The following KCTD1 variants were observed in gnomAD, a reference collection of about 807,000 sequenced individuals.
KCTD1 encodes the protein potassium channel tetramerization domain containing 1.
KCTD1 carries 24 observed loss-of-function variants against 66.0 expected under a neutral mutation model. That is an observed-to-expected ratio of 0.36 (90% CI 0.26 to 0.51). The LOEUF is 0.51. KCTD1 is among the 20% of genes least tolerant of loss of function. The probability of loss-of-function intolerance (pLI) is 0.95; values close to 1 mark genes in which losing one functional copy is unlikely to be tolerated. For synonymous variants in KCTD1, 511 were observed against 517.2 expected (o/e 0.99, Z 0.16); for missense variants, 943 against 1,205.2 (o/e 0.78, Z 3.22).
chr18:26,553,823 A>G (rs893745798), intron 1 of KCTD1, among the ~76,000 whole-genome samples: 1 of 60,148 alleles, frequency 1.7e-5, no homozygotes, highest in Non-Finnish European at 4.1e-5. Flanking sequence ...AAGGCCAGAG[A>G]GGGTAAAAAA....
intron 3 of KCTD1, among the ~76,000 whole-genome samples, chr18:26,465,218 G>A (rs1467495608): frequency 1.3e-5 from 2 of 152,078 alleles, no homozygotes; most frequent in Non-Finnish European, 2.9e-5. Flanking sequence ...AGAGTAGCTG[G>A]GACTACAGGT....
chr18:26,515,684 A>G (rs2052334619), intron 1 of KCTD1, among the ~76,000 whole-genome samples: 1 of 151,672 alleles, frequency 6.6e-6, no homozygotes, highest in Non-Finnish European at 1.5e-5. Flanking sequence ...TAATTTTTGT[A>G]TTTTTAGTAG....
chr18:26,532,402 T>C (rs1984493257), intron 1 of KCTD1, among the ~76,000 whole-genome samples: 1 of 151,352 alleles, frequency 6.6e-6, no homozygotes, highest in African/African-American at 2.4e-5. Flanking sequence ...TAGCTGGGAG[T>C]ACAGACATGC....
At chr18:26,492,494 G>A (rs989337308) in intron 2 of KCTD1, among the ~76,000 whole-genome samples, 2 of 152,066 alleles carry the variant, frequency 1.3e-5, no homozygotes, top group Non-Finnish European at 2.9e-5. Flanking sequence ...TTAACCGAAT[G>A]TGGTGGTGTG....
chr18:26,566,282 T>C (rs1354560033), intron 1 of KCTD1: 1 of 152,268 alleles, frequency 6.6e-6, no homozygotes, highest in East Asian at 1.9e-4. Context: ...ATCCTAGCAC[T>C]GTATCTGTGA....
At chr18:26,575,014 G>T (rs2144905861) in intron 1 of KCTD1, among the ~76,000 whole-genome samples, 1 of 152,244 alleles carries the variant, frequency 6.6e-6, no homozygotes, top group Admixed American at 6.5e-5. Context: ...ATTATCCTGA[G>T]CAATTTTCTC....
intron 1 of KCTD1, among the ~76,000 whole-genome samples, chr18:26,514,591 G>A: frequency 6.6e-6 from 1 of 150,812 alleles, no homozygotes; most frequent in East Asian, 1.9e-4. Context: ...GAGAGATGTT[G>A]GAAGGAAGTA....
At position 26,623,002 on chromosome 18, in the gene KCTD1, A is replaced by G. The variant is rs373884760; in HGVS notation, c.-16+6145T>C. Among the ~76,000 whole-genome samples, 45 of 152,336 alleles carry G rather than the reference A, an allele frequency of 3.0e-4. No individual in the cohort carries two copies. In the East Asian group the frequency reaches 4.8e-3, roughly 16 times the overall value. On this transcript the variant is annotated intron_variant, in intron 1 of 4. Transcript: ENST00000317932. The stretch of plus-strand genomic sequence containing the variant: ...ATTCATCATCTATATGCAATCAGCC[A>G]TCAAATCTGGTTAATATGTGTTGAA...
At chr18:26,475,223 C>G (rs535765001) in intron 3 of KCTD1, among the ~76,000 whole-genome samples, 1 of 152,108 alleles carries the variant, frequency 6.6e-6, no homozygotes, top group African/African-American at 2.4e-5. Flanking sequence ...ACCAGAAATA[C>G]TTTTTTTTAG....
intron 1 of KCTD1, among the ~76,000 whole-genome samples, chr18:26,623,350 TC>T (rs373144874): frequency 1.7e-3 from 258 of 152,264 alleles, no homozygotes; most frequent in African/African-American, 6.0e-3. Context: ...TTTGACTGTG[TC>T]CCCACCCAAA....
At position 26,538,243 on chromosome 18, in the gene KCTD1, G is replaced by A. The variant is rs372049226; in HGVS notation, c.1809+8485C>T. Among the ~76,000 whole-genome samples the A allele has an allele frequency of 1.1e-3, 165 of 151,538 alleles. 3 individuals carry two copies. Among genetic ancestry groups the A allele is most frequent in the African/African-American group, 3.6e-3 (148 of 41,302 alleles). On this transcript the variant is annotated intron_variant, in intron 1 of 4. Coordinates refer to ENST00000580059, the MANE Select transcript of KCTD1 (RefSeq NM_001142730.3). ...GCCTGGGAAACAAGAGCAAAACTCC[G>A]TCTTAAAAAAAAAAGAAAAGAAAAT...
chr18:26,557,526 A>G (rs992698051), intron 1 of KCTD1, among the ~76,000 whole-genome samples: 9 of 152,240 alleles, frequency 5.9e-5, no homozygotes, highest in Non-Finnish European at 1.2e-4. Flanking sequence ...GAACTTGCTT[A>G]AAATATGCAT....
intron 1 of KCTD1, among the ~76,000 whole-genome samples, chr18:26,620,378 A>AC (rs1568011901): frequency 2.1e-5 from 3 of 141,188 alleles, no homozygotes; most frequent in South Asian, 4.6e-4. Flanking sequence ...AAAAAAAAAA[A>AC]AAAAAAACTA....
intron 1 of KCTD1, among the ~76,000 whole-genome samples, chr18:26,615,320 G>C (rs1987226273): frequency 6.6e-6 from 1 of 152,160 alleles, no homozygotes; most frequent in East Asian, 1.9e-4. Flanking sequence ...CATTTATGGA[G>C]CAAGGGTGGG....
intron 1 of KCTD1, among the ~76,000 whole-genome samples, chr18:26,533,300 T>A (rs1012729899): frequency 5.9e-5 from 9 of 152,234 alleles, no homozygotes; most frequent in African/African-American, 2.2e-4. Flanking sequence ...ATAAACTAAA[T>A]TACAACTAAA....
At chr18:26,635,201 G>T (rs1331302533) in intron 1 of KCTD1, among the ~76,000 whole-genome samples, 1 of 151,880 alleles carries the variant, frequency 6.6e-6, no homozygotes. Flanking sequence ...TGTTGTGCTG[G>T]ACCTGTTTGT....
At chr18:26,555,184 G>A (rs1465945128) in intron 1 of KCTD1, among the ~76,000 whole-genome samples, 1 of 152,248 alleles carries the variant, frequency 6.6e-6, no homozygotes, top group East Asian at 1.9e-4. Flanking sequence ...TTCCTGAAAC[G>A]ATTTGCTGTT....
At chr18:26,513,090 A>ATT (rs571957643) in intron 1 of KCTD1, among the ~76,000 whole-genome samples, 13,667 of 140,224 alleles carry the variant, frequency 0.097, 896 homozygotes, top group Non-Finnish European at 0.14. Flanking sequence ...TCCAGGGTGT[A>ATT]TTTTTTTTTT....
At chr18:26,624,009 T>C (rs1191811944) in intron 1 of KCTD1, among the ~76,000 whole-genome samples, 2 of 152,200 alleles carry the variant, frequency 1.3e-5, no homozygotes, top group Non-Finnish European at 2.9e-5. Context: ...TGTTGGGAAC[T>C]GAAACAAAGA....
Sources: allele counts gnomAD v4.1 joint callset (sites outside exome capture counted in the v4.1 genomes callset), GRCh38; gene constraint gnomAD v4.1.1; transcripts MANE v1.5; gene names NCBI Gene and HGNC (gene_info 2026-07-23, HGNC 2026-07-21).